The following MCM9 variants were observed in gnomAD, a reference collection of about 807,000 sequenced individuals.
MCM9 encodes DNA helicase MCM9.
MCM9 carries 55 observed loss-of-function variants against 72.8 expected under a neutral mutation model. That is an observed-to-expected ratio of 0.76 (90% CI 0.61 to 0.95). The LOEUF is 0.95. Ranked by LOEUF, MCM9 falls within the 40% of genes least tolerant of loss-of-function variation. The probability of loss-of-function intolerance (pLI) is 0.00; values close to 1 mark genes in which losing one functional copy is unlikely to be tolerated. For missense variants in MCM9, 1,279 were observed against 1,377.0 expected (o/e 0.93, Z 1.13); for synonymous variants, 480 against 503.4 (o/e 0.95, Z 0.62).
In MCM9 at chr6:118,829,374, G is replaced by C. The variant is rs1252461798; in HGVS notation, c.1326-124C>G. The C allele has an allele frequency of 3.6e-6, 3 of 829,450 alleles. No homozygotes were observed. In the African/African-American group the frequency reaches 5.2e-5, roughly 14 times the overall value. 51.4% of individuals were successfully genotyped at this position (829,450 alleles called of 1,614,324 possible). Reference sequence around the variant, plus strand: ...TCTACGAACTCCTATGAAAGAAAATGTAGAATGACAGAAGGAGATATCACA... The same window carrying C: ...TCTACGAACTCCTATGAAAGAAAATCTAGAATGACAGAAGGAGATATCACA... On this transcript the variant is annotated intron_variant, in intron 9 of 13. Coordinates refer to ENST00000619706, the MANE Select transcript of MCM9 (RefSeq NM_017696.3).
intron 8 of MCM9, among the ~76,000 whole-genome samples, chr6:118,882,890 C>T (rs1778380573): frequency 6.6e-6 from 1 of 151,692 alleles, no homozygotes; most frequent in Admixed American, 6.6e-5. Flanking sequence ...TGGTATAATA[C>T]ATTAAATTAA....
Position 118,819,469 on chromosome 6 carries a change from C to G in MCM9, c.1962-3175G>C, listed in dbSNP as rs143817971. Among the ~76,000 whole-genome samples the G allele has an allele frequency of 1.0e-3, 156 of 152,270 alleles. 1 individual carries two copies. In the East Asian group the frequency reaches 0.013, roughly 12 times the overall value. On this transcript the variant is annotated intron_variant, in intron 13 of 13. Coordinates refer to ENST00000619706, the MANE Select transcript of MCM9 (RefSeq NM_017696.3). ...CCAGCCTTGCATCCCAGAGATGAAG[C>G]TGACTTGAACATGGTGGATAAGCTT...
intron 8 of MCM9, among the ~76,000 whole-genome samples, chr6:118,859,200 A>G (rs1264656978): frequency 6.6e-6 from 1 of 152,248 alleles, no homozygotes; most frequent in Non-Finnish European, 1.5e-5. Flanking sequence ...GAGTAACTGA[A>G]TATCTTCATG....
Position 118,828,146 on chromosome 6 carries a change from G to T in MCM9, c.1529-16C>A, listed in dbSNP as rs890712010. 4 of 1,538,558 alleles carry T rather than the reference G, an allele frequency of 2.6e-6. No individual in the cohort carries two copies. The African/African-American group carries it at 5.5e-5, about 21-fold the overall frequency. On this transcript the variant is annotated splice_polypyrimidine_tract_variant and intron_variant, in intron 10 of 13. Coordinates refer to ENST00000619706, the MANE Select transcript of MCM9 (RefSeq NM_017696.3). Reference sequence around the variant, plus strand: ...CTTGGGTAACCTGTATGTATCAGGTGTTGGGTCAGTAAGTTCTTAGGACAG... The same window carrying T: ...CTTGGGTAACCTGTATGTATCAGGTTTTGGGTCAGTAAGTTCTTAGGACAG...
At chr6:118,894,961 C>G (rs1044121140) in intron 8 of MCM9, among the ~76,000 whole-genome samples, 2 of 152,140 alleles carry the variant, frequency 1.3e-5, no homozygotes. Flanking sequence ...CCATCTTACC[C>G]CGAGTCGAGA....
At chr6:118,826,946 T>G in intron 11 of MCM9, 82 bp from the exon 12 acceptor site, 1 of 1,084,992 alleles carries the variant, frequency 9.2e-7, no homozygotes, top group East Asian at 2.6e-5. Flanking sequence ...CCTCACCATT[T>G]GTATTTTATG....
rs746612835 is a variant in MCM9 at position 118,814,060 on chromosome 6, CAT to C, written c.*762_*763del. 4 of 152,106 alleles carry C rather than the reference CAT, an allele frequency of 2.6e-5. No homozygotes were observed. Among genetic ancestry groups the C allele is most frequent in the Non-Finnish European group, 5.9e-5 (4 of 68,022 alleles). The allele number at this position is 152,106 out of a possible 1,614,324, so 9.4% of individuals were successfully genotyped here. On this transcript the variant is annotated 3_prime_UTR_variant, in exon 14 of 14. Coordinates refer to ENST00000619706, the MANE Select transcript of MCM9 (RefSeq NM_017696.3). ...CAGGAGTGAGTCACTGTGCCTGGCT[CAT>C]ACTCTCTCTTCTTCTAATCACAGTA...
At position 118,931,504 on chromosome 6, in the gene MCM9, G is replaced by C. The variant is rs760702305; in HGVS notation, c.220C>G (p.Arg74Gly). The C allele has an allele frequency of 2.5e-6, 4 of 1,614,054 alleles. No individual in the cohort carries two copies. Among genetic ancestry groups the C allele is most frequent in the South Asian group, 2.2e-5 (2 of 91,070 alleles). Residue 74 changes from arginine (R) to glycine (G), a missense_variant, in exon 3 of 14, where the codon CGA becomes GGA. By Grantham distance (125) the Arg-to-Gly change is moderately radical (BLOSUM62 -2). Transcript: ENST00000619706. The stretch of plus-strand genomic sequence containing the variant: ...TGGAGAATTGTCAAGGCTGACCTTC[G>C]CAGTGCACTATCAAAAATTGTAAGC... ...EVLTIFDSAL[R>G]RSALTILQSL...
chr6:118,909,890 G>T (rs186671233), intron 8 of MCM9, among the ~76,000 whole-genome samples: 2 of 152,172 alleles, frequency 1.3e-5, no homozygotes, highest in African/African-American at 2.4e-5. Context: ...GCTGAGGCGG[G>T]TGGATCATTT....
intron 8 of MCM9, among the ~76,000 whole-genome samples, chr6:118,862,179 G>A (rs899052699): frequency 2.6e-5 from 4 of 152,214 alleles, no homozygotes; most frequent in South Asian, 4.1e-4. Context: ...GGGAAGGGGG[G>A]CTTCCTGGGC....
At chr6:118,830,279 T>C (rs117748157) in intron 9 of MCM9, among the ~76,000 whole-genome samples, 3,983 of 152,324 alleles carry the variant, frequency 0.026, 65 homozygotes, top group Middle Eastern at 0.041. Context: ...CCCTATGACA[T>C]CAGCAACATG....
At chr6:118,865,512 G>C (rs1777163964) in intron 8 of MCM9, among the ~76,000 whole-genome samples, 1 of 152,164 alleles carries the variant, frequency 6.6e-6, no homozygotes, top group Non-Finnish European at 1.5e-5. Flanking sequence ...GTCCCAAAAA[G>C]GGGTGAAAAC....
chr6:118,909,852 C>T (rs955452078), intron 8 of MCM9, among the ~76,000 whole-genome samples: 4 of 152,168 alleles, frequency 2.6e-5, no homozygotes, highest in Non-Finnish European at 5.9e-5. Context: ...CGCAGTGGCT[C>T]ACGCCTGTAA....
At chr6:118,869,599 C>CAAAAAAAAAAAAAAAA in intron 8 of MCM9, among the ~76,000 whole-genome samples, 2 of 58,288 alleles carry the variant, frequency 3.4e-5, no homozygotes, top group African/African-American at 5.9e-5. Context: ...AAAGGATTTA[C>CAAAAAAAAAAAAAAAA]AAAAAAAAAA....
rs1037439717 is a variant in MCM9, at chr6:118,916,454, A to C, written c.904+1107T>G. 6.1e-5 allele frequency among the ~76,000 whole-genome samples: 9 copies of C among 147,486 alleles called. 1 individual carries two copies. The highest frequency in any genetic ancestry group is 1.2e-4 in the African/African-American group (5 of 40,570). On this transcript the variant is annotated intron_variant, in intron 6 of 13. Coordinates refer to ENST00000619706, the MANE Select transcript of MCM9 (RefSeq NM_017696.3). The stretch of plus-strand genomic sequence containing the variant: ...AAGCATTATTATTATTATTATTATT[A>C]TTATTATTATTATTATTATTATGAG...
chr6:118,868,922 A>G (rs920522729), intron 8 of MCM9, among the ~76,000 whole-genome samples: 2 of 152,218 alleles, frequency 1.3e-5, no homozygotes, highest in Non-Finnish European at 2.9e-5. Context: ...CTGGGTATAT[A>G]CCCAAAGGAT....
At chr6:118,920,074 AG>A (rs901387016) in intron 5 of MCM9, 2 of 152,272 alleles carry the variant, frequency 1.3e-5, no homozygotes, top group Non-Finnish European at 2.9e-5. Context: ...CAGTACAGAA[AG>A]AATTCAGTTT....
At chr6:118,874,876 G>A (rs1457643450) in intron 8 of MCM9, among the ~76,000 whole-genome samples, 2 of 152,206 alleles carry the variant, frequency 1.3e-5, no homozygotes, top group Admixed American at 6.5e-5. Context: ...CACTCTGGGA[G>A]GCTGAGGCGG....
At position 118,879,215 on chromosome 6, in the gene MCM9, C is replaced by T. The variant is rs540805071; in HGVS notation, c.1151-22670G>A. 2.0e-5 allele frequency among the ~76,000 whole-genome samples: 3 copies of T among 147,614 alleles called. No individual in the cohort carries two copies. In the East Asian group the frequency reaches 6.0e-4, roughly 29 times the overall value. On this transcript the variant is annotated intron_variant, in intron 8 of 13. Transcript: ENST00000619706. Reference sequence around the variant, plus strand: ...TTAAATGGAAACAGATGAACTACTTCATGAAAAGGCAAAGGTTGTTAGAAT... The same window carrying T: ...TTAAATGGAAACAGATGAACTACTTTATGAAAAGGCAAAGGTTGTTAGAAT...
Sources: gnomAD v4.1 joint callset for allele counts (sites outside exome capture counted in the v4.1 genomes callset) on GRCh38, gnomAD v4.1.1 for gene constraint, MANE v1.5 for transcripts, NCBI Gene and HGNC (gene_info 2026-07-23, HGNC 2026-07-21) for gene names.